The following FTO variants were observed in gnomAD, a reference collection of about 807,000 sequenced individuals.
FTO encodes alpha-ketoglutarate-dependent dioxygenase FTO.
FTO carries 47 observed loss-of-function variants against 63.9 expected under a neutral mutation model. The observed-to-expected ratio is 0.74, with a 90% confidence interval of 0.58 to 0.94. The LOEUF is 0.94. Ranked by LOEUF, FTO falls within the 40% of genes least tolerant of loss-of-function variation. FTO has a pLI of 0.00. For synonymous variants in FTO, 207 were observed against 224.4 expected (o/e 0.92, Z 0.69); for missense variants, 562 against 618.1 (o/e 0.91, Z 0.96).
chr16:53,971,147 G>A (rs1166094677), intron 8 of FTO, among the ~76,000 whole-genome samples: 4 of 152,200 alleles, frequency 2.6e-5, no homozygotes, highest in African/African-American at 9.6e-5. Context: ...CCATGTAGAG[G>A]ATGTATTACA....
chr16:54,022,736 T>A (rs928295428), intron 8 of FTO, among the ~76,000 whole-genome samples: 6 of 152,356 alleles, frequency 3.9e-5, no homozygotes, highest in South Asian at 2.1e-4. Flanking sequence ...CCACAAATGA[T>A]AAATTATACA....
At chr16:53,961,229 C>T (rs972843016) in intron 8 of FTO, among the ~76,000 whole-genome samples, 2 of 152,020 alleles carry the variant, frequency 1.3e-5, no homozygotes, top group Non-Finnish European at 1.5e-5. Context: ...CTGCTTACAG[C>T]CCCCAGATAG....
chr16:53,744,076 C>T (rs2076591485), intron 1 of FTO, among the ~76,000 whole-genome samples: 1 of 151,980 alleles, frequency 6.6e-6, no homozygotes, highest in African/African-American at 2.4e-5. Flanking sequence ...AGTGGGCTCC[C>T]TTCAGGAAGG....
chr16:53,776,091 T>C (rs569062789), intron 1 of FTO, among the ~76,000 whole-genome samples: 1 of 152,294 alleles, frequency 6.6e-6, no homozygotes, highest in Non-Finnish European at 1.5e-5. Flanking sequence ...TGATTACTAC[T>C]GAAATTAACT....
At chr16:53,844,711 C>T (rs1179735628) in intron 4 of FTO, among the ~76,000 whole-genome samples, 11 of 152,102 alleles carry the variant, frequency 7.2e-5, no homozygotes, top group Admixed American at 3.9e-4. Flanking sequence ...CCACCTGCCT[C>T]GGTCCCCCAA....
chr16:53,872,145 G>T (rs1368998058), intron 4 of FTO, among the ~76,000 whole-genome samples: 6 of 152,120 alleles, frequency 3.9e-5, no homozygotes, highest in Non-Finnish European at 8.8e-5. Flanking sequence ...GGATTTTCTA[G>T]TATCTCATGT....
intron 8 of FTO, among the ~76,000 whole-genome samples, chr16:53,950,218 T>C (rs1384268844): frequency 6.9e-6 from 1 of 144,100 alleles, no homozygotes; most frequent in Non-Finnish European, 1.5e-5. Flanking sequence ...TCAGGTGCTA[T>C]TTTAATTATG....
At chr16:53,969,799 G>A (rs1217909398) in intron 8 of FTO, among the ~76,000 whole-genome samples, 1 of 152,178 alleles carries the variant, frequency 6.6e-6, no homozygotes, top group Non-Finnish European at 1.5e-5. Flanking sequence ...AGCCTCGCCC[G>A]TAACCTGCTC....
intron 8 of FTO, among the ~76,000 whole-genome samples, chr16:54,099,378 A>G (rs768510049): frequency 1.3e-5 from 2 of 152,150 alleles, no homozygotes; most frequent in South Asian, 2.1e-4. Flanking sequence ...TTGAAATTGT[A>G]TATCTTTTGT....
At chr16:53,852,046 G>A (rs975536877) in intron 4 of FTO, among the ~76,000 whole-genome samples, 2 of 145,450 alleles carry the variant, frequency 1.4e-5, no homozygotes, top group African/African-American at 2.6e-5. Flanking sequence ...GCTGGAGCCC[G>A]GAAGTTTGAG....
At chr16:53,917,149 C>T (rs1221190651) in intron 7 of FTO, among the ~76,000 whole-genome samples, 1 of 152,220 alleles carries the variant, frequency 6.6e-6, no homozygotes, top group Non-Finnish European at 1.5e-5. Context: ...ATCTGGGCCA[C>T]TCATTGAACA....
intron 8 of FTO, among the ~76,000 whole-genome samples, chr16:53,962,673 G>A (rs2083109595): frequency 6.6e-6 from 1 of 152,186 alleles, no homozygotes; most frequent in South Asian, 2.1e-4. Context: ...ATTAGTGTCT[G>A]TGGTGGAGGA....
intron 8 of FTO, among the ~76,000 whole-genome samples, chr16:54,093,090 GA>G (rs1485704995): frequency 1.2e-5 from 1 of 85,000 alleles, no homozygotes; most frequent in African/African-American, 5.4e-5. Context: ...AGTGTTCCTG[GA>G]GGGACAGGAA....
chr16:54,027,082 A>G (rs1194585968), intron 8 of FTO, among the ~76,000 whole-genome samples: 2 of 145,516 alleles, frequency 1.4e-5, no homozygotes, highest in Admixed American at 6.6e-5. Context: ...TGAGAGAGAG[A>G]CAGAGAGAGA....
At chr16:53,862,522 A>T (rs2080203967) in intron 4 of FTO, among the ~76,000 whole-genome samples, 2 of 143,176 alleles carry the variant, frequency 1.4e-5, no homozygotes, top group Admixed American at 6.9e-5. Context: ...TTATTCTTAT[A>T]TCTTTCTGTA....
At chr16:53,827,305 C>G (rs1273966375) in intron 3 of FTO, among the ~76,000 whole-genome samples, 3 of 152,132 alleles carry the variant, frequency 2.0e-5, no homozygotes, top group African/African-American at 7.2e-5. Flanking sequence ...GGTAGTTGAA[C>G]AGATGGAGGA....
intron 6 of FTO, among the ~76,000 whole-genome samples, chr16:53,885,215 A>G (rs2080966811): frequency 6.6e-6 from 1 of 152,196 alleles, no homozygotes; most frequent in African/African-American, 2.4e-5. Flanking sequence ...TTATTACCTC[A>G]GACTCTGAAT....
At chr16:53,835,065 G>A (rs1471634318) in intron 3 of FTO, among the ~76,000 whole-genome samples, 2 of 152,042 alleles carry the variant, frequency 1.3e-5, no homozygotes, top group Non-Finnish European at 2.9e-5. Context: ...TGCTTTTTGT[G>A]TATTTGTATA....
At chr16:54,022,869 G>T (rs1375191005) in intron 8 of FTO, among the ~76,000 whole-genome samples, 3 of 152,198 alleles carry the variant, frequency 2.0e-5, no homozygotes, top group Non-Finnish European at 4.4e-5. Flanking sequence ...AGTGAACAAA[G>T]CAATTTATAT....
Sources: allele counts gnomAD v4.1 joint callset (sites outside exome capture counted in the v4.1 genomes callset), GRCh38; gene constraint gnomAD v4.1.1; transcripts MANE v1.5; gene names NCBI Gene and HGNC (gene_info 2026-07-23, HGNC 2026-07-21).